RNF144A: variants seen among roughly 807,000 people sequenced by gnomAD.
RNF144A encodes E3 ubiquitin-protein ligase RNF144A.
A neutral mutation model predicts 38.7 loss-of-function variants in RNF144A; 11 were observed. The observed-to-expected ratio is 0.28, with a 90% CI of 0.18 to 0.47. The LOEUF (loss-of-function observed/expected upper bound fraction) is 0.47, where lower values mean the gene tolerates loss of function less well. RNF144A is among the 20% of genes least tolerant of loss of function. RNF144A has a pLI of 0.99. For missense variants in RNF144A, 316 were observed against 377.2 expected (o/e 0.84, Z 1.34); for synonymous variants, 149 against 143.9 (o/e 1.04, Z -0.25).
chr2:7,057,884 C>G (rs1227726285), intron 6 of RNF144A, among the ~76,000 whole-genome samples: 2 of 152,186 alleles, frequency 1.3e-5, no homozygotes, highest in Admixed American at 1.3e-4. Flanking sequence ...ACAATGTAGT[C>G]AGCAAAGAGG....
chr2:7,007,794 T>C (rs552412542), intron 3 of RNF144A, among the ~76,000 whole-genome samples: 2 of 152,292 alleles, frequency 1.3e-5, no homozygotes, highest in South Asian at 4.1e-4. Context: ...GCATTTTTGC[T>C]CCTCTGTGAA....
intron 3 of RNF144A, among the ~76,000 whole-genome samples, chr2:7,004,940 C>T (rs184939844): frequency 1.3e-5 from 2 of 152,362 alleles, no homozygotes; most frequent in Non-Finnish European, 2.9e-5. Context: ...TCACACATTA[C>T]ATACTTGAGT....
At chr2:7,050,270 A>C (rs1042527833) in intron 6 of RNF144A, among the ~76,000 whole-genome samples, 2 of 152,176 alleles carry the variant, frequency 1.3e-5, no homozygotes, top group Admixed American at 6.5e-5. Context: ...GTAGTGAATA[A>C]GTCTCAGGAG....
At chr2:6,920,838 TG>T (rs1206601007) in intron 1 of RNF144A, among the ~76,000 whole-genome samples, 2 of 152,232 alleles carry the variant, frequency 1.3e-5, no homozygotes, top group African/African-American at 4.8e-5. Context: ...ACATACCTGC[TG>T]GGTAGTGGGG....
chr2:6,923,670 C>G (rs116017849), intron 1 of RNF144A, among the ~76,000 whole-genome samples: 2 of 152,198 alleles, frequency 1.3e-5, no homozygotes, highest in Non-Finnish European at 2.9e-5. Flanking sequence ...TGGAGCCGCA[C>G]GGAGCAGAAC....
intron 5 of RNF144A, among the ~76,000 whole-genome samples, chr2:7,016,550 T>C (rs1671150512): frequency 7.4e-6 from 1 of 135,838 alleles, no homozygotes; most frequent in Non-Finnish European, 1.7e-5. Flanking sequence ...ACTTGGCTTC[T>C]GTTAAAAAAA....
At chr2:7,003,627 T>C (rs1430927204) in intron 3 of RNF144A, among the ~76,000 whole-genome samples, 1 of 152,234 alleles carries the variant, frequency 6.6e-6, no homozygotes. Flanking sequence ...CTACATTCTA[T>C]AATGTTTGCA....
downstream of RNF144A, among the ~76,000 whole-genome samples, chr2:7,069,883 G>A (rs1337544561): frequency 1.3e-5 from 2 of 152,212 alleles, no homozygotes; most frequent in Non-Finnish European, 2.9e-5. Context: ...TAATGACAAG[G>A]AACAGCTTAA....
chr2:7,026,339 A>G (rs1466219473), intron 7 of RNF144A, among the ~76,000 whole-genome samples: 3 of 152,170 alleles, frequency 2.0e-5, no homozygotes, highest in Non-Finnish European at 4.4e-5. Flanking sequence ...CTGAGGCTTC[A>G]TTTTTACTTC....
At chr2:6,929,415 T>C (rs947388649) in intron 1 of RNF144A, among the ~76,000 whole-genome samples, 73 of 152,314 alleles carry the variant, frequency 4.8e-4, no homozygotes, top group Non-Finnish European at 1.6e-4. Flanking sequence ...AGCTAAGCCG[T>C]GGGTGTTACT....
intron 5 of RNF144A, among the ~76,000 whole-genome samples, chr2:7,015,725 G>T (rs1357767945): frequency 6.6e-6 from 1 of 152,190 alleles, no homozygotes; most frequent in Non-Finnish European, 1.5e-5. Context: ...TGACAGATGT[G>T]TGCAGGCGAC....
chr2:7,053,764 A>C (rs184789436), intron 6 of RNF144A, among the ~76,000 whole-genome samples: 1 of 152,390 alleles, frequency 6.6e-6, no homozygotes, highest in African/African-American at 2.4e-5. Context: ...GCAGATACCC[A>C]GACCTGCCAG....
At chr2:6,951,766 A>G (rs1188316526) in intron 2 of RNF144A, among the ~76,000 whole-genome samples, 1 of 152,154 alleles carries the variant, frequency 6.6e-6, no homozygotes, top group Non-Finnish European at 1.5e-5. Flanking sequence ...CCTTTTTAAT[A>G]TTGATCTTGC....
chr2:6,969,592 C>T (rs1383592591), intron 2 of RNF144A, among the ~76,000 whole-genome samples: 2 of 152,204 alleles, frequency 1.3e-5, no homozygotes, highest in Non-Finnish European at 2.9e-5. Flanking sequence ...AATAAAAGTA[C>T]AGGCTGAGCA....
intron 2 of RNF144A, among the ~76,000 whole-genome samples, chr2:6,964,049 G>C (rs576027971): frequency 6.6e-6 from 1 of 152,090 alleles, no homozygotes; most frequent in South Asian, 2.1e-4. Context: ...ACTGTGGCAA[G>C]GGTAGCAGAG....
At chr2:7,000,178 G>A (rs1210362929) in intron 3 of RNF144A, among the ~76,000 whole-genome samples, 5 of 152,200 alleles carry the variant, frequency 3.3e-5, no homozygotes, top group African/African-American at 1.2e-4. Flanking sequence ...GCTGTGCTAG[G>A]CCTTGGGAGC....
Position 6,953,301 on chromosome 2 carries a change from C to T in RNF144A, c.-12+12154C>T, listed in dbSNP as rs569780526. Among the ~76,000 whole-genome samples, 33 of 152,048 alleles carry T rather than the reference C, an allele frequency of 2.2e-4. No individual in the cohort carries two copies. In the South Asian group the frequency reaches 2.5e-3, roughly 11 times the overall value. On this transcript the variant is annotated intron_variant, in intron 2 of 8. Coordinates refer to ENST00000320892, the MANE Select transcript of RNF144A (RefSeq NM_014746.6). ...AAAATTAGAGCGGCATGGTGGCGGG[C>T]GCCTGTAATCCCAGCTACTCGGGAG... is the stretch of plus-strand genomic sequence containing the variant.
rs1226922965 is a variant in RNF144A, at chr2:6,958,298, C to A, written c.-12+17151C>A. ...TGAAGGACACAGTCCAGTAACTCAG[C>A]AGCCTGCCGTGCCAGAGACAGAACA... On this transcript the variant is annotated intron_variant, in intron 2 of 8. Coordinates refer to ENST00000320892, the MANE Select transcript of RNF144A (RefSeq NM_014746.6). This position sits in a 1 kb window ranked among gnomAD's most constrained non-coding sequence, Gnocchi z 4.5. Among the ~76,000 whole-genome samples the A allele has an allele frequency of 6.6e-6, 1 of 152,240 alleles. No individual in the cohort carries two copies. The highest frequency in any genetic ancestry group is 6.5e-5 in the Admixed American group (1 of 15,288).
intron 2 of RNF144A, 59 bp from the exon 3 acceptor site, chr2:6,996,857 C>G: frequency 6.4e-7 from 1 of 1,560,522 alleles, no homozygotes; most frequent in Non-Finnish European, 8.7e-7. Flanking sequence ...AACCTTGCCA[C>G]GGAGCAGGTG....
Sources: gnomAD v4.1 joint callset for allele counts (sites outside exome capture counted in the v4.1 genomes callset) on GRCh38, gnomAD v4.1.1 for gene constraint, Gnocchi (gnomAD v3.1) non-coding constraint, MANE v1.5 for transcripts, NCBI Gene and HGNC (gene_info 2026-07-23, HGNC 2026-07-21) for gene names.